The following CA2 variants were observed in gnomAD, a reference collection of about 807,000 sequenced individuals.
The protein encoded by CA2 is carbonic anhydrase 2, also known as carbonate dehydratase II.
CA2 carries 23 observed loss-of-function variants against 27.8 expected under a neutral mutation model. The observed-to-expected ratio is 0.83, with a 90% CI of 0.59 to 1.17. The LOEUF is 1.17. Among genes scored for constraint, CA2 ranks in the 50% most tolerant of loss-of-function variants. The pLI is 0.00. For missense variants in CA2, 300 were observed against 314.7 expected, an observed-to-expected ratio of 0.95 and a Z score of 0.35; for synonymous variants, 99 against 114.9, an observed-to-expected ratio of 0.86 and a Z score of 0.88.
chr8:85,464,075 C>T lies in CA2; in HGVS notation c.-7C>T. The T allele has an allele frequency of 6.5e-7, 1 of 1,548,458 alleles. No individual in the cohort carries two copies. On this transcript the variant is annotated 5_prime_UTR_variant, in exon 1 of 7. Coordinates refer to ENST00000285379, the MANE Select transcript of CA2 (RefSeq NM_000067.3). ...ATTCCTGCCCTGCCCCGACCGCCAGCGCGACCATGTCCCATCACTGGGGGT... is the reference window on the plus strand; with the variant it reads ...ATTCCTGCCCTGCCCCGACCGCCAGTGCGACCATGTCCCATCACTGGGGGT...
At chr8:85,468,675 G>A (rs985228785) in intron 2 of CA2, among the ~76,000 whole-genome samples, 8 of 152,158 alleles carry the variant, frequency 5.3e-5, no homozygotes, top group South Asian at 2.1e-4. Context: ...CAGGAGAATC[G>A]CTGGATCCCG....
intron 4 of CA2, 99 bp downstream of exon 4, chr8:85,474,515 G>T (rs747864148): frequency 8.6e-6 from 8 of 932,736 alleles, no homozygotes; most frequent in Admixed American, 5.2e-5. Context: ...AAGAGCTTAG[G>T]AAATGCCTTT....
chr8:85,470,133 C>T (rs1811693298), intron 2 of CA2, among the ~76,000 whole-genome samples: 1 of 152,158 alleles, frequency 6.6e-6, no homozygotes, highest in African/African-American at 2.4e-5. Context: ...ATAATTGCCA[C>T]ATAGTTTAAA....
rs1342570499 is a variant in CA2 at position 85,480,775 on chromosome 8, G to T, written c.769G>T (p.Ala257Ser). The T allele has an allele frequency of 6.2e-7, 1 of 1,613,720 alleles. No individual in the cohort carries two copies. The highest frequency in any genetic ancestry group is 8.5e-7 in the Non-Finnish European group (1 of 1,179,858). The change falls in exon 7 of 7, where the codon GCT (alanine) becomes TCT (serine). Residue 257 changes from alanine (A) to serine (S), a missense_variant. This residue lies in a region of CA2 where 173 missense variants were observed against 161.0 expected (regional missense o/e 1.07). Coordinates refer to ENST00000285379, the MANE Select transcript of CA2 (RefSeq NM_000067.3). ...GCCACTGAAGAACAGGCAAATCAAA[G>T]CTTCCTTCAAATAAGATGGTCCCAT... ...AQPLKNRQIK[A>S]SFK
At chr8:85,478,018 T>G in intron 6 of CA2, among the ~76,000 whole-genome samples, 1 of 152,328 alleles carries the variant, frequency 6.6e-6, no homozygotes, top group African/African-American at 2.4e-5. Flanking sequence ...ATGTGAGTAG[T>G]GGTAGTGTGA....
At chr8:85,464,201 C>T (rs1406968862) in intron 1 of CA2, 86 bp downstream of exon 1, 8 of 1,231,852 alleles carry the variant, frequency 6.5e-6, no homozygotes, top group East Asian at 2.8e-5. Context: ...CGGCCCGGGG[C>T]CCGCAGCGCC....
At chr8:85,473,621 G>A (rs891294071) in intron 2 of CA2, 72 bp from the exon 3 acceptor site, 2 of 753,654 alleles carry the variant, frequency 2.7e-6, no homozygotes, top group Admixed American at 3.9e-5. Flanking sequence ...ATGTATGTGT[G>A]TATACCTATG....
In CA2 at chr8:85,473,033, TA is replaced by T. The variant is rs1366595799; in HGVS notation, c.233-657del. On this transcript the variant is annotated intron_variant, in intron 2 of 6. Coordinates refer to ENST00000285379, the MANE Select transcript of CA2 (RefSeq NM_000067.3). ...AATAATAAATAAATAAATAAATAAA[TA>T]AATAATAAAAAAAATTAAGGGAACA... 1.4e-3 allele frequency among the ~76,000 whole-genome samples: 194 copies of T among 138,940 alleles called. 4 individuals carry two copies. The highest frequency in any genetic ancestry group is 4.8e-4 in the African/African-American group (19 of 39,662). 91.2% of individuals were successfully genotyped at this position (138,940 alleles called of 152,430 possible).
chr8:85,465,024 C>T, intron 1 of CA2: 1 of 499,902 alleles, frequency 2.0e-6, no homozygotes, highest in Non-Finnish European at 3.6e-6. Context: ...ACTCAGTGAT[C>T]TAAGAGCTTT....
chr8:85,477,073 A>AT, intron 5 of CA2, 47 bp from the exon 6 acceptor site: 1 of 1,601,796 alleles, frequency 6.2e-7, no homozygotes, highest in South Asian at 1.1e-5. Flanking sequence ...CCTTCCTCCT[A>AT]CTCTGTCAAT....
chr8:85,474,234 A>G, intron 3 of CA2, 90 bp from the exon 4 acceptor site: 1 of 953,722 alleles, frequency 1.0e-6, no homozygotes, highest in Non-Finnish European at 1.7e-6. Flanking sequence ...TTCCTGAGTA[A>G]CCTTTATTGT....
At chr8:85,470,343 A>G (rs985284696) in intron 2 of CA2, among the ~76,000 whole-genome samples, 2 of 152,206 alleles carry the variant, frequency 1.3e-5, no homozygotes, top group African/African-American at 4.8e-5. Context: ...TTATTTATAG[A>G]AAAGATGGTA....
At chr8:85,478,785 A>C (rs1383995524) in intron 6 of CA2, among the ~76,000 whole-genome samples, 1 of 152,240 alleles carries the variant, frequency 6.6e-6, no homozygotes, top group Non-Finnish European at 1.5e-5. Context: ...CTAGGGCTGC[A>C]GGTCCTCCTC....
intron 1 of CA2, 116 bp downstream of exon 1, chr8:85,464,231 G>T (rs2130540453): frequency 5.0e-6 from 5 of 996,226 alleles, no homozygotes; most frequent in Non-Finnish European, 7.1e-6. Flanking sequence ...TGTTTACCGC[G>T]GCCGCGGGGA....
rs1409104356 is a variant in CA2 at position 85,480,675 on chromosome 8, G to A, written c.669G>A (p.Leu223=). 1 of 1,613,192 alleles carries A rather than the reference G, an allele frequency of 6.2e-7. No homozygotes were observed. Among genetic ancestry groups the A allele is most frequent in the Non-Finnish European group, 8.5e-7 (1 of 1,179,256 alleles). ...TGTTTTATTGTGTCTTTTAGGTGTT[G>A]AAATTCCGTAAACTTAACTTCAATG... ...EPISVSSEQV[L]KFRKLNFNGE... Residue 223 remains leucine, a synonymous_variant, in exon 7 of 7, where the codon TTG becomes TTA. Coordinates refer to ENST00000285379, the MANE Select transcript of CA2 (RefSeq NM_000067.3).
Position 85,481,118 on chromosome 8 carries a change from T to C in CA2, c.*329T>C, listed in dbSNP as rs1401566096. 3.3e-6 allele frequency: 1 copy of C among 302,304 alleles called. No homozygotes were observed. The highest frequency in any genetic ancestry group is 6.4e-6 in the Non-Finnish European group (1 of 156,378). 18.7% of individuals were successfully genotyped at this position (302,304 alleles called of 1,614,324 possible). On this transcript the variant is annotated 3_prime_UTR_variant, in exon 7 of 7. Transcript: ENST00000285379. Reference sequence around the variant, plus strand: ...TCACAATTGTTGACTAAAATGCTGCTTTTAAAACATAGGAAAGTAGAATGG... The same window carrying C: ...TCACAATTGTTGACTAAAATGCTGCCTTTAAAACATAGGAAAGTAGAATGG...
At chr8:85,466,409 C>A (rs1385863260) in intron 2 of CA2, among the ~76,000 whole-genome samples, 1 of 151,720 alleles carries the variant, frequency 6.6e-6, no homozygotes, top group East Asian at 1.9e-4. Context: ...ACCTACGGTA[C>A]TAATATATTA....
chr8:85,480,791 A>G lies in CA2; in HGVS notation c.*2A>G, dbSNP rs369317018. The G allele has an allele frequency of 1.2e-6, 2 of 1,613,586 alleles. No individual in the cohort carries two copies. Among genetic ancestry groups the G allele is most frequent in the Non-Finnish European group, 1.7e-6 (2 of 1,179,750 alleles). On this transcript the variant is annotated 3_prime_UTR_variant, in exon 7 of 7. Transcript: ENST00000285379. ...CAAATCAAAGCTTCCTTCAAATAAG[A>G]TGGTCCCATAGTCTGTATCCAAATA...
intron 2 of CA2, among the ~76,000 whole-genome samples, chr8:85,465,736 C>T (rs1454918182): frequency 6.6e-6 from 1 of 152,190 alleles, no homozygotes; most frequent in African/African-American, 2.4e-5. Context: ...TGAAAAATCA[C>T]AAAAGGTGCA....
Sources: allele counts gnomAD v4.1 joint callset (sites outside exome capture counted in the v4.1 genomes callset), GRCh38; gene constraint gnomAD v4.1.1; regional missense constraint gnomAD v4.1.1; transcripts MANE v1.5; gene names NCBI Gene and HGNC (gene_info 2026-07-23, HGNC 2026-07-21).